OSBP2: variants seen among roughly 807,000 people sequenced by gnomAD.
OSBP2 encodes the protein oxysterol-binding protein 2.
In OSBP2, 66 loss-of-function variants were observed where a neutral mutation model predicts 96.0. The ratio of observed to expected loss-of-function variants is 0.69; its 90% CI spans 0.56 to 0.84. OSBP2 has a LOEUF of 0.84. Among genes scored for constraint, OSBP2 ranks in the 40% least tolerant of loss-of-function variants. OSBP2 has a pLI of 0.00. For synonymous variants in OSBP2, 525 were observed against 520.9 expected (o/e 1.01, Z -0.11); for missense variants, 1,038 against 1,222.7 (o/e 0.85, Z 2.25).
chr22:30,886,496 G>C (rs575086947), intron 3 of OSBP2, among the ~76,000 whole-genome samples: 2 of 150,836 alleles, frequency 1.3e-5, no homozygotes, highest in South Asian at 4.3e-4. Context: ...ATCTCTTCAG[G>C]GTTGGGAGGG....
chr22:30,886,754 C>T (rs945046060), intron 3 of OSBP2, among the ~76,000 whole-genome samples: 8 of 152,142 alleles, frequency 5.3e-5, no homozygotes, highest in African/African-American at 1.4e-4. Context: ...ACTCCCCAGA[C>T]GCCTTAGATA....
chr22:30,715,856 CTT>C (rs56747830), intron 1 of OSBP2, among the ~76,000 whole-genome samples: 77,775 of 130,230 alleles, frequency 0.6, 23,785 homozygotes, highest in Middle Eastern at 0.71. Flanking sequence ...CACACCTAAC[CTT>C]TTTTTTTTTT....
intron 2 of OSBP2, among the ~76,000 whole-genome samples, chr22:30,748,396 C>T (rs764604221): frequency 5.3e-4 from 81 of 152,098 alleles, no homozygotes; most frequent in Non-Finnish European, 8.5e-4. Flanking sequence ...CCAAGACCCC[C>T]GAACCATTTA....
At chr22:30,887,684 T>G in intron 4 of OSBP2, 66 bp downstream of exon 4, 2 of 1,356,148 alleles carry the variant, frequency 1.5e-6, no homozygotes, top group Non-Finnish European at 1.0e-6. Flanking sequence ...ATACACAACT[T>G]CTGCGCCCCC....
At chr22:30,842,092 G>A (rs2038764342) in intron 2 of OSBP2, among the ~76,000 whole-genome samples, 1 of 151,984 alleles carries the variant, frequency 6.6e-6, no homozygotes, top group Admixed American at 6.6e-5. Flanking sequence ...GACCACAGGG[G>A]TGCACCAACA....
intron 1 of OSBP2, 77 bp from the exon 2 acceptor site, chr22:30,741,084 T>G (rs1345942215): frequency 8.7e-7 from 1 of 1,154,558 alleles, no homozygotes; most frequent in Non-Finnish European, 1.3e-6. Context: ...ATTCTGAGGA[T>G]TTGCCTGGAG....
intron 2 of OSBP2, among the ~76,000 whole-genome samples, chr22:30,806,661 C>A (rs2090932698): frequency 1.3e-5 from 2 of 152,152 alleles, no homozygotes; most frequent in Non-Finnish European, 2.9e-5. Context: ...AGGAACCCCT[C>A]CTAATGGACT....
At chr22:30,769,013 T>TG (rs1321291814) in intron 2 of OSBP2, among the ~76,000 whole-genome samples, 1 of 152,218 alleles carries the variant, frequency 6.6e-6, no homozygotes, top group Non-Finnish European at 1.5e-5. Flanking sequence ...GACGTTTCCC[T>TG]GGGGTACCCC....
chr22:30,847,451 T>G (rs2038892622), intron 2 of OSBP2, among the ~76,000 whole-genome samples: 2 of 151,874 alleles, frequency 1.3e-5, no homozygotes, highest in African/African-American at 4.8e-5. Flanking sequence ...CTGGCTAATT[T>G]TTGTATTTTT....
rs2145655614 is a variant in OSBP2 at position 30,695,068 on chromosome 22, G to T, written c.159G>T (p.Gln53His). Reference protein sequence around the residue: ...TSGSGPEPKPQPQPVPEPERG... With the variant: ...TSGSGPEPKPHPQPVPEPERG... ...GCTCCGGGCCGGAGCCCAAGCCCCA[G>T]CCCCAGCCCGTGCCCGAACCGGAGC... Residue 53 changes from glutamine to histidine, a missense_variant, in exon 1 of 14, where the codon CAG becomes CAT. Around this residue, in one of 3 missense-constraint regions of OSBP2, gnomAD observed 281 missense variants for 273.4 expected, o/e 1.03. Coordinates refer to ENST00000332585, the MANE Select transcript of OSBP2 (RefSeq NM_030758.4). 6.3e-7 allele frequency: 1 copy of T among 1,583,948 alleles called. No individual in the cohort carries two copies. The highest frequency in any genetic ancestry group is 8.6e-7 in the Non-Finnish European group (1 of 1,166,284).
intron 9 of OSBP2, 39 bp downstream of exon 9, chr22:30,893,281 A>C: frequency 2.5e-6 from 4 of 1,613,588 alleles, no homozygotes; most frequent in Non-Finnish European, 3.4e-6. Flanking sequence ...ACACAGAGAC[A>C]TTGTGCATAA....
intron 2 of OSBP2, among the ~76,000 whole-genome samples, chr22:30,786,007 A>C (rs1028124481): frequency 6.9e-6 from 1 of 143,896 alleles, no homozygotes; most frequent in Non-Finnish European, 1.5e-5. Flanking sequence ...ATGAGAATGG[A>C]CTAATACAGT....
At chr22:30,833,178 A>G (rs1456584902) in intron 2 of OSBP2, among the ~76,000 whole-genome samples, 1 of 152,180 alleles carries the variant, frequency 6.6e-6, no homozygotes, top group Non-Finnish European at 1.5e-5. Context: ...CAGACAAGGA[A>G]ACTGAGGCCT....
intron 2 of OSBP2, among the ~76,000 whole-genome samples, chr22:30,777,625 G>C (rs2090453687): frequency 6.6e-6 from 1 of 152,200 alleles, no homozygotes; most frequent in Non-Finnish European, 1.5e-5. Flanking sequence ...CTGGACTGAG[G>C]GTCTCCCAGA....
chr22:30,880,778 C>A (rs2039687360), intron 3 of OSBP2, among the ~76,000 whole-genome samples: 1 of 152,200 alleles, frequency 6.6e-6, no homozygotes, highest in African/African-American at 2.4e-5. Flanking sequence ...TAGAGTTTGT[C>A]CTCCTCTTCC....
At chr22:30,766,266 T>TG (rs991530882) in intron 2 of OSBP2, among the ~76,000 whole-genome samples, 7 of 152,126 alleles carry the variant, frequency 4.6e-5, no homozygotes, top group African/African-American at 1.7e-4. Flanking sequence ...GTATGGCTCA[T>TG]GGAAGGGACT....
intron 2 of OSBP2, among the ~76,000 whole-genome samples, chr22:30,813,383 A>G (rs1229153016): frequency 1.3e-5 from 2 of 151,880 alleles, no homozygotes; most frequent in Non-Finnish European, 2.9e-5. Context: ...CATGTTGGCC[A>G]GGCTGGTCTC....
rs73400362 is a variant in OSBP2 at position 30,719,056 on chromosome 22, G to T, written c.645-22105G>T. 8.7e-3 allele frequency among the ~76,000 whole-genome samples: 1,332 copies of T among 152,266 alleles called. 18 individuals carry two copies. Among genetic ancestry groups the T allele is most frequent in the African/African-American group, 0.03 (1,259 of 41,546 alleles). ...TTGAATTTATCTGTCAGCTTACTGA[G>T]CCTTTGCCTTCTAGAGACGGGATTA... On this transcript the variant is annotated intron_variant, in intron 1 of 13. Transcript: ENST00000332585.
chr22:30,893,767 G>C, intron 11 of OSBP2, 34 bp downstream of exon 11: 2 of 1,612,264 alleles, frequency 1.2e-6, no homozygotes, highest in Non-Finnish European at 1.7e-6. Flanking sequence ...AGCACCCCAG[G>C]GGGCCCAGGG....
Sources: gnomAD v4.1 joint callset for allele counts (sites outside exome capture counted in the v4.1 genomes callset) on GRCh38, gnomAD v4.1.1 for gene constraint, gnomAD v4.1.1 regional missense constraint, MANE v1.5 for transcripts, NCBI Gene and HGNC (gene_info 2026-07-23, HGNC 2026-07-21) for gene names.